The following PACRG variants were observed in gnomAD, a reference collection of about 807,000 sequenced individuals.
PACRG encodes parkin coregulated.
In PACRG, 29 loss-of-function variants were observed where a neutral mutation model predicts 29.7. The ratio of observed to expected loss-of-function variants is 0.98; its 90% CI spans 0.73 to 1.33. PACRG has a LOEUF of 1.33. Among genes scored for constraint, PACRG ranks in the 40% most tolerant of loss-of-function variants. The probability of loss-of-function intolerance (pLI) is 0.00; values close to 1 mark genes in which losing one functional copy is unlikely to be tolerated. For missense variants in PACRG, 279 were observed against 316.2 expected, an observed-to-expected ratio of 0.88 and a Z score of 0.89; for synonymous variants, 116 against 118.7, an observed-to-expected ratio of 0.98 and a Z score of 0.15.
At chr6:163,217,522 T>C (rs1288024579) in intron 4 of PACRG, among the ~76,000 whole-genome samples, 3 of 152,172 alleles carry the variant, frequency 2.0e-5, no homozygotes, top group African/African-American at 4.8e-5. Flanking sequence ...GGGTAGGGGT[T>C]CCCGGGGTAG....
intron 2 of PACRG, among the ~76,000 whole-genome samples, chr6:162,849,872 G>A (rs1011475108): frequency 1.2e-4 from 19 of 152,186 alleles, no homozygotes; most frequent in Admixed American, 3.3e-4. Context: ...ATGCTCAGCA[G>A]ATTCTGACAA....
At chr6:162,736,218 G>A (rs1780152781) in intron 1 of PACRG, among the ~76,000 whole-genome samples, 1 of 152,146 alleles carries the variant, frequency 6.6e-6, no homozygotes, top group African/African-American at 2.4e-5. Context: ...GAAATGCAGT[G>A]AAAATATCAT....
intron 2 of PACRG, among the ~76,000 whole-genome samples, chr6:162,884,447 A>G (rs1300413580): frequency 2.0e-5 from 3 of 152,222 alleles, no homozygotes; most frequent in Non-Finnish European, 4.4e-5. Context: ...AGTGTAAATG[A>G]TAGATATAGA....
chr6:162,832,837 C>G (rs1209693970), intron 2 of PACRG, among the ~76,000 whole-genome samples: 1 of 149,432 alleles, frequency 6.7e-6, no homozygotes, highest in African/African-American at 2.5e-5. Context: ...CATTTTTTTG[C>G]CCAAATAAAG....
At chr6:162,848,503 A>T (rs118034630) in intron 2 of PACRG, among the ~76,000 whole-genome samples, 1,842 of 152,330 alleles carry the variant, frequency 0.012, 10 homozygotes, top group Non-Finnish European at 0.019. Context: ...GCTTAGAATA[A>T]GCACTTTGCC....
intron 2 of PACRG, among the ~76,000 whole-genome samples, chr6:162,849,478 C>G (rs1790684234): frequency 6.6e-6 from 1 of 152,186 alleles, no homozygotes; most frequent in Admixed American, 6.5e-5. Flanking sequence ...GACCAATTGC[C>G]AAACAGTGCA....
chr6:163,072,267 C>T (rs1812134119), intron 3 of PACRG, among the ~76,000 whole-genome samples: 1 of 152,028 alleles, frequency 6.6e-6, no homozygotes, highest in Admixed American at 6.6e-5. Flanking sequence ...GAGATTTATC[C>T]CAGGGATGCA....
intron 1 of PACRG, among the ~76,000 whole-genome samples, chr6:162,805,665 T>C (rs1786259636): frequency 6.6e-6 from 1 of 152,246 alleles, no homozygotes; most frequent in African/African-American, 2.4e-5. Context: ...CCATGCTTTA[T>C]CAATTAAGTT....
intron 2 of PACRG, among the ~76,000 whole-genome samples, chr6:162,983,788 T>C (rs1802636991): frequency 6.6e-6 from 1 of 151,996 alleles, no homozygotes; most frequent in South Asian, 2.1e-4. Flanking sequence ...TGTACCTAGG[T>C]GACAACTTTT....
At chr6:162,945,464 CAT>C (rs1239548768) in intron 2 of PACRG, among the ~76,000 whole-genome samples, 1 of 151,958 alleles carries the variant, frequency 6.6e-6, no homozygotes, top group Non-Finnish European at 1.5e-5. Context: ...CAATTTTAAA[CAT>C]ATGTGCACCC....
At chr6:163,138,921 C>T (rs1817044294) in intron 4 of PACRG, among the ~76,000 whole-genome samples, 1 of 152,210 alleles carries the variant, frequency 6.6e-6, no homozygotes, top group Non-Finnish European at 1.5e-5. Flanking sequence ...TTCCATACAT[C>T]ATTTCTAGAC....
At chr6:162,971,811 A>G (rs1801552681) in intron 2 of PACRG, among the ~76,000 whole-genome samples, 1 of 152,310 alleles carries the variant, frequency 6.6e-6, no homozygotes, top group South Asian at 2.1e-4. Context: ...CGCAGCTTTC[A>G]TTAGGTTGCA....
At chr6:163,140,765 T>G (rs1817121120) in intron 4 of PACRG, among the ~76,000 whole-genome samples, 1 of 152,086 alleles carries the variant, frequency 6.6e-6, no homozygotes, top group African/African-American at 2.4e-5. Flanking sequence ...ATGCTAGATA[T>G]CCAAAGAAAT....
intron 4 of PACRG, among the ~76,000 whole-genome samples, chr6:163,301,011 G>A (rs1294568171): frequency 7.2e-6 from 1 of 138,478 alleles, no homozygotes; most frequent in Non-Finnish European, 1.6e-5. Flanking sequence ...TGCTTCCCGT[G>A]AGTTTAGTAG....
intron 2 of PACRG, among the ~76,000 whole-genome samples, chr6:162,925,785 T>G (rs9458669): frequency 6.6e-6 from 1 of 151,860 alleles, no homozygotes; most frequent in Non-Finnish European, 1.5e-5. Flanking sequence ...TCCTATTCAA[T>G]ATAGTATTGG....
intron 1 of PACRG, 45 bp downstream of exon 1, chr6:162,728,436 G>T: frequency 6.3e-7 from 1 of 1,592,920 alleles, no homozygotes; most frequent in African/African-American, 1.3e-5. Context: ...TGAATCAGGG[G>T]ACACGAGATT....
At chr6:163,268,182 C>T (rs951139653) in intron 4 of PACRG, among the ~76,000 whole-genome samples, 1 of 152,186 alleles carries the variant, frequency 6.6e-6, no homozygotes, top group African/African-American at 2.4e-5. Flanking sequence ...GGGTGGATCA[C>T]AAGGTCAGGG....
intron 4 of PACRG, among the ~76,000 whole-genome samples, chr6:163,145,774 C>T (rs1369388486): frequency 1.3e-5 from 2 of 152,180 alleles, no homozygotes; most frequent in Non-Finnish European, 2.9e-5. Flanking sequence ...AGTTGAATCC[C>T]ATTTTCTGTT....
At chr6:162,850,141 C>T (rs903859808) in intron 2 of PACRG, among the ~76,000 whole-genome samples, 64 of 152,094 alleles carry the variant, frequency 4.2e-4, no homozygotes, top group African/African-American at 1.5e-3. Context: ...TAATCAAGTG[C>T]ATGGTCTATG....
Sources: allele counts gnomAD v4.1 joint callset (sites outside exome capture counted in the v4.1 genomes callset), GRCh38; gene constraint gnomAD v4.1.1; transcripts MANE v1.5; gene names NCBI Gene and HGNC (gene_info 2026-07-23, HGNC 2026-07-21).